Variants in PNPLA6 observed in about 807,000 individuals in gnomAD.
PNPLA6 encodes patatin-like phospholipase domain-containing protein 6.
A neutral mutation model predicts 153.7 loss-of-function variants in PNPLA6; 105 were observed. The observed-to-expected ratio is 0.68, with a 90% CI of 0.58 to 0.80. PNPLA6 has a LOEUF of 0.80. Ranked by LOEUF, PNPLA6 falls within the 30% of genes least tolerant of loss-of-function variation. The pLI, the probability that PNPLA6 is intolerant of heterozygous loss-of-function variation, is 0.00. For synonymous variants in PNPLA6, 825 were observed against 822.2 expected (o/e 1.00, Z -0.06); for missense variants, 1,423 against 1,919.3 (o/e 0.74, Z 4.83).
chr19:7,541,136 A>G lies in PNPLA6; in HGVS notation c.924+85A>G. On this transcript the variant is annotated intron_variant, in intron 7 of 31. Transcript: ENST00000600737. The surrounding 1 kb of genome is among the most constrained non-coding windows in gnomAD (Gnocchi z 5.2). ...TCCAGGCTCCAAGGGACCGAGGCCC[A>G]GCAGCCAGCAGGCGCTGGAGCTGTG... The G allele has an allele frequency of 7.2e-7, 1 of 1,397,258 alleles. No homozygotes were observed. 86.6% of individuals were successfully genotyped at this position (1,397,258 alleles called of 1,614,324 possible).
intron 3 of PNPLA6, among the ~76,000 whole-genome samples, chr19:7,538,646 T>A (rs1208319357): frequency 1.3e-5 from 2 of 152,178 alleles, no homozygotes; most frequent in African/African-American, 4.8e-5. Flanking sequence ...GCAGAGGGGC[T>A]ATCTGGATTC....
chr19:7,550,915 A>G (rs1336282666), intron 16 of PNPLA6, 79 bp from the exon 17 acceptor site: 1 of 1,102,232 alleles, frequency 9.1e-7, no homozygotes, highest in East Asian at 2.6e-5. Context: ...TAGATGGGGC[A>G]GTACAGCCCC....
At chr19:7,535,393 G>T, upstream of PNPLA6, 2 of 803,614 alleles carry the variant, frequency 2.5e-6, no homozygotes, top group South Asian at 1.5e-5. The surrounding 1 kb of genome is among the most constrained non-coding windows in gnomAD (Gnocchi z 5.0). Context: ...AGCTGGAGAC[G>T]CTTCCCCCGC....
In PNPLA6 at chr19:7,555,395, CG is replaced by C; in HGVS notation, c.2936+32del. On this transcript the variant is annotated intron_variant, in intron 23 of 31. Coordinates refer to ENST00000600737, the MANE Select transcript of PNPLA6 (RefSeq NM_001166114.2). This position sits in a 1 kb window ranked among gnomAD's most constrained non-coding sequence, Gnocchi z 6.3. ...GAGGGCGGGGCTTGCTCTCTGGGGG[CG>C]GGGCCTGGATGTCCGAGGGTGGAGC... 7.4e-7 allele frequency: 1 copy of C among 1,352,946 alleles called. No individual in the cohort carries two copies. The highest frequency in any genetic ancestry group is 1.0e-6 in the Non-Finnish European group (1 of 986,376). 83.8% of individuals were successfully genotyped at this position (1,352,946 alleles called of 1,614,324 possible).
rs373083668 is a variant in PNPLA6 at position 7,558,881 on chromosome 19, G to C, written c.3429G>C (p.Thr1143=). The C allele has an allele frequency of 6.2e-7, 1 of 1,612,606 alleles. No individual in the cohort carries two copies. The highest frequency in any genetic ancestry group is 1.3e-5 in the African/African-American group (1 of 74,928). ...ADIARSMGAK[T]VIAIDVGSQD... ...TCGCCCGCAGCATGGGTGCCAAAAC[G>C]GTCATCGCCATTGACGTGGGGAGCC... The change falls in exon 28 of 32, where the codon ACG becomes ACC. Residue 1143 remains threonine (T), a synonymous_variant. Coordinates refer to ENST00000600737, the MANE Select transcript of PNPLA6 (RefSeq NM_001166114.2).
rs2023321576 is a variant in PNPLA6 at position 7,544,949 on chromosome 19, G to C, written c.1608+1865G>C. Among the ~76,000 whole-genome samples, 3 of 152,258 alleles carry C rather than the reference G, an allele frequency of 2.0e-5. 1 individual carries two copies. The South Asian group carries it at 6.2e-4, about 32-fold the overall frequency. ...CCTGGCCTGTCAGTGTACCACGCTG[G>C]TCTGCAGCCCCTCAGAGCTTCTCTG... is the stretch of plus-strand genomic sequence containing the variant. On this transcript the variant is annotated intron_variant, in intron 13 of 31. Coordinates refer to ENST00000600737, the MANE Select transcript of PNPLA6 (RefSeq NM_001166114.2).
intron 3 of PNPLA6, among the ~76,000 whole-genome samples, chr19:7,539,254 G>A (rs146424467): frequency 0.015 from 2,348 of 152,310 alleles, 170 homozygotes; most frequent in Admixed American, 0.12. Flanking sequence ...GAGGCGGGAG[G>A]ATCACTTGAG....
At chr19:7,557,132 C>G in intron 26 of PNPLA6, 36 bp from the exon 27 acceptor site, 1 of 1,467,266 alleles carries the variant, frequency 6.8e-7, no homozygotes, top group Non-Finnish European at 9.5e-7. Context: ...CTGAGCGTGT[C>G]TGTGCGTGTT....
At chr19:7,538,957 A>G (rs2022997742) in intron 3 of PNPLA6, among the ~76,000 whole-genome samples, 1 of 152,114 alleles carries the variant, frequency 6.6e-6, no homozygotes, top group Non-Finnish European at 1.5e-5. Flanking sequence ...CTGCCTTCCT[A>G]AAGGGTTCAG....
In PNPLA6 at chr19:7,561,484, G is replaced by A. The variant is rs1481217952; in HGVS notation, c.4024-4G>A. 20 of 1,603,880 alleles carry A rather than the reference G, an allele frequency of 1.2e-5. No individual in the cohort carries two copies. The highest frequency in any genetic ancestry group is 7.8e-5 in the South Asian group (7 of 89,230). On this transcript the variant is annotated splice_region_variant and splice_polypyrimidine_tract_variant and intron_variant, in intron 31 of 31. Coordinates refer to ENST00000600737, the MANE Select transcript of PNPLA6 (RefSeq NM_001166114.2). The stretch of plus-strand genomic sequence containing the variant: ...GGTGACGTGTGTGTGACCTTCCCTC[G>A]CAGGAGGAGGAGAAGTCGATTCTCC...
At chr19:7,556,787 C>T (rs372256457) in intron 26 of PNPLA6, 63 bp downstream of exon 26, 138 of 1,198,462 alleles carry the variant, frequency 1.2e-4, no homozygotes, top group Non-Finnish European at 1.4e-4. Flanking sequence ...GGGATGCTTC[C>T]GGGAGGGCCG....
intron 19 of PNPLA6, 46 bp from the exon 20 acceptor site, chr19:7,554,162 GC>G: frequency 6.3e-7 from 1 of 1,593,432 alleles, no homozygotes; most frequent in Non-Finnish European, 8.6e-7. Flanking sequence ...TTAGGCCCCA[GC>G]CCTGTGGACC....
chr19:7,541,363 G>GTC lies in PNPLA6; in HGVS notation c.935_936insCT (p.Arg313CysfsTer17). On this transcript the variant is annotated frameshift_variant, in exon 8 of 32. Transcript: ENST00000600737. LOFTEE classifies it high-confidence loss of function. This position sits in a 1 kb window ranked among gnomAD's most constrained non-coding sequence, Gnocchi z 5.2. Reference sequence around the variant, plus strand: ...CCCTCGAGCCCTGCAGATCATCATGGTGCGGCTGCAGCGAGTCACCTTCCT... The same window carrying GTC: ...CCCTCGAGCCCTGCAGATCATCATGGTCTGCGGCTGCAGCGAGTCACCTTCCT... 1 of 1,613,824 alleles carries GTC rather than the reference G, an allele frequency of 6.2e-7. No homozygotes were observed. Among genetic ancestry groups the GTC allele is most frequent in the Non-Finnish European group, 8.5e-7 (1 of 1,179,884 alleles).
At position 7,542,057 on chromosome 19, in the gene PNPLA6, G is replaced by C. The variant is rs1429541817; in HGVS notation, c.1242G>C (p.Gly414=). 1.9e-6 allele frequency: 3 copies of C among 1,605,924 alleles called. No individual in the cohort carries two copies. Among genetic ancestry groups the C allele is most frequent in the Admixed American group, 1.7e-5 (1 of 60,008 alleles). The change falls in exon 10 of 32, where the codon GGG becomes GGC. Residue 414 remains glycine, a synonymous_variant. Coordinates refer to ENST00000600737, the MANE Select transcript of PNPLA6 (RefSeq NM_001166114.2). ...PLLSRCVSMP[G]DISGLQGGPR... is the part of the protein sequence containing the mutation. ...TGAGCCGCTGCGTCTCCATGCCAGG[G>C]GACATCTCAGGTTTGGAGCACTGGG...
intron 14 of PNPLA6, 72 bp from the exon 15 acceptor site, chr19:7,550,226 G>T (rs986538601): frequency 1.1e-5 from 18 of 1,609,602 alleles, no homozygotes; most frequent in Non-Finnish European, 1.5e-5. Context: ...GGAGCCCCCA[G>T]ATCTGGCCTC....
upstream of PNPLA6, chr19:7,535,377 C>T: frequency 1.4e-6 from 1 of 736,530 alleles, no homozygotes; most frequent in South Asian, 1.5e-5. The surrounding 1 kb of genome is among the most constrained non-coding windows in gnomAD (Gnocchi z 5.0). Context: ...TAGCCTCGCC[C>T]CTGGCAGCTG....
intron 13 of PNPLA6, 51 bp downstream of exon 13, chr19:7,543,135 G>T: frequency 6.8e-7 from 1 of 1,468,892 alleles, no homozygotes; most frequent in Non-Finnish European, 9.5e-7. Flanking sequence ...CATTCCCTAT[G>T]ACTTCTGTGA....
At chr19:7,560,789 C>CAGAGT in intron 29 of PNPLA6, 25 bp downstream of exon 29, 8 of 1,388,398 alleles carry the variant, frequency 5.8e-6, no homozygotes, top group Non-Finnish European at 8.2e-6. Flanking sequence ...CCCCCAGGGC[C>CAGAGT]ACTCTGACTC....
Position 7,540,844 on chromosome 19 carries a change from G to T in PNPLA6, c.796-79G>T. ...GCCGATGGCCCCTCACGGGACTGGCGCCAGGAAGGATTAGGGGAGTAGCGA... is the reference window on the plus strand; with the variant it reads ...GCCGATGGCCCCTCACGGGACTGGCTCCAGGAAGGATTAGGGGAGTAGCGA... On this transcript the variant is annotated intron_variant, in intron 6 of 31. Transcript: ENST00000600737. This position sits in a 1 kb window ranked among gnomAD's most constrained non-coding sequence, Gnocchi z 6.8. 6.3e-7 allele frequency: 1 copy of T among 1,598,352 alleles called. No individual in the cohort carries two copies. Among genetic ancestry groups the T allele is most frequent in the Non-Finnish European group, 8.6e-7 (1 of 1,166,688 alleles).
Sources: allele counts gnomAD v4.1 joint callset (sites outside exome capture counted in the v4.1 genomes callset), GRCh38; gene constraint gnomAD v4.1.1; non-coding constraint Gnocchi (gnomAD v3.1); transcripts MANE v1.5; gene names NCBI Gene and HGNC (gene_info 2026-07-23, HGNC 2026-07-21).